SOS1: variants seen among roughly 807,000 people sequenced by gnomAD.
SOS1 encodes the protein son of sevenless homolog 1.
In SOS1, 25 loss-of-function variants were observed where a neutral mutation model predicts 157.6. The ratio of observed to expected loss-of-function variants is 0.16; its 90% CI spans 0.12 to 0.22. SOS1 has a LOEUF of 0.22. Ranked by LOEUF, SOS1 falls within the 10% of genes least tolerant of loss-of-function variation. SOS1 has a pLI of 1.00. For missense variants in SOS1, 1,237 were observed against 1,599.1 expected, an observed-to-expected ratio of 0.77 and a Z score of 3.86; for synonymous variants, 528 against 534.0, an observed-to-expected ratio of 0.99 and a Z score of 0.16.
chr2:39,112,908 G>A (rs964441312), intron 1 of SOS1, among the ~76,000 whole-genome samples: 1 of 152,000 alleles, frequency 6.6e-6, no homozygotes, highest in South Asian at 2.1e-4. Flanking sequence ...GTGTGATGGA[G>A]TGCGCCTGTA....
intron 1 of SOS1, among the ~76,000 whole-genome samples, chr2:39,090,869 T>TG (rs1672568367): frequency 6.6e-6 from 1 of 151,602 alleles, no homozygotes; most frequent in African/African-American, 2.4e-5. Flanking sequence ...TTGTTGTTGT[T>TG]TTGTTTGTTT....
chr2:39,086,615 C>T (rs998698779), intron 1 of SOS1, among the ~76,000 whole-genome samples: 12 of 152,114 alleles, frequency 7.9e-5, no homozygotes, highest in Admixed American at 2.6e-4. Context: ...TGCCCTTCCC[C>T]GACAATTCCA....
At chr2:39,010,542 T>C (rs182941759) in intron 15 of SOS1, 42 bp downstream of exon 15, 67 of 1,574,382 alleles carry the variant, frequency 4.3e-5, no homozygotes, top group Non-Finnish European at 5.2e-5. Context: ...ATTCATAACA[T>C]AGCTGACAGC....
intron 1 of SOS1, among the ~76,000 whole-genome samples, chr2:39,109,552 G>C (rs558379247): frequency 6.6e-6 from 1 of 152,114 alleles, no homozygotes; most frequent in South Asian, 2.1e-4. Flanking sequence ...AGGACAATTA[G>C]AGCACCATCG....
chr2:39,009,819 A>G (rs564254121), intron 15 of SOS1, among the ~76,000 whole-genome samples: 1 of 152,228 alleles, frequency 6.6e-6, no homozygotes, highest in Non-Finnish European at 1.5e-5. Flanking sequence ...ATAAGTCTGA[A>G]GCTGATTCTG....
intron 8 of SOS1, 137 bp from the exon 9 acceptor site, chr2:39,024,274 T>C: frequency 1.3e-6 from 1 of 754,270 alleles, no homozygotes; most frequent in East Asian, 2.7e-5. Context: ...ATATTCTTTT[T>C]AAAAGTGTTT....
Position 38,985,612 on chromosome 2 carries a change from C to G in SOS1, c.*212G>C. ...AGGTGCAATCAGTTGTCCAATTCCT[C>G]TAGGTCGGTCTTTCCATATTCTAAA... On this transcript the variant is annotated 3_prime_UTR_variant, in exon 23 of 23. Coordinates refer to ENST00000402219, the MANE Select transcript of SOS1 (RefSeq NM_005633.4). 1.8e-6 allele frequency: 1 copy of G among 571,018 alleles called. No individual in the cohort carries two copies. Among genetic ancestry groups the G allele is most frequent in the South Asian group, 2.0e-5 (1 of 50,628 alleles). 35.4% of individuals were successfully genotyped at this position (571,018 alleles called of 1,614,324 possible).
At chr2:39,017,818 A>G (rs1473981136) in intron 10 of SOS1, among the ~76,000 whole-genome samples, 2 of 151,978 alleles carry the variant, frequency 1.3e-5, no homozygotes, top group African/African-American at 4.8e-5. Flanking sequence ...AAAATTCCAG[A>G]CATTATTTTT....
chr2:39,061,268 AAAG>A (rs1671391654), intron 2 of SOS1, among the ~76,000 whole-genome samples: 1 of 150,792 alleles, frequency 6.6e-6, no homozygotes, highest in South Asian at 2.1e-4. Context: ...AAAAAAAAAA[AAAG>A]GTGTTTTGAA....
chr2:39,070,114 T>C (rs1671747696), intron 1 of SOS1, among the ~76,000 whole-genome samples: 1 of 152,156 alleles, frequency 6.6e-6, no homozygotes, highest in South Asian at 2.1e-4. Flanking sequence ...TGTGTAGGTA[T>C]CAAACCATAT....
rs1668535842 is a variant in SOS1, at chr2:38,985,732, C to T, written c.*92G>A. ...AAGAGTCGTTAGTGTTTGGAGTTCT[C>T]ATTTTAACTCCTCAGTGCTGGCACA... is the stretch of plus-strand genomic sequence containing the variant. On this transcript the variant is annotated 3_prime_UTR_variant, in exon 23 of 23. Transcript: ENST00000402219. 1.5e-6 allele frequency: 2 copies of T among 1,353,624 alleles called. No individual in the cohort carries two copies. Among genetic ancestry groups the T allele is most frequent in the African/African-American group, 1.4e-5 (1 of 69,324 alleles). The allele number at this position is 1,353,624 out of a possible 1,614,324, so 83.9% of individuals were successfully genotyped here.
intron 17 of SOS1, among the ~76,000 whole-genome samples, chr2:39,005,854 T>C (rs568806374): frequency 1.3e-5 from 2 of 151,866 alleles, no homozygotes; most frequent in Non-Finnish European, 2.9e-5. Context: ...AGATATTGAA[T>C]ACATGAAAAT....
intron 8 of SOS1, among the ~76,000 whole-genome samples, chr2:39,028,680 C>T (rs1387267927): frequency 6.6e-6 from 1 of 152,130 alleles, no homozygotes; most frequent in East Asian, 1.9e-4. Context: ...CTAAATAAAA[C>T]CTATTCCATA....
At chr2:39,077,997 A>G (rs895151866) in intron 1 of SOS1, among the ~76,000 whole-genome samples, 2 of 152,216 alleles carry the variant, frequency 1.3e-5, no homozygotes, top group African/African-American at 4.8e-5. Flanking sequence ...CAAAAAGTGG[A>G]AAGATAAGTC....
chr2:38,987,960 C>A (rs1042826633), intron 21 of SOS1, among the ~76,000 whole-genome samples: 2 of 152,270 alleles, frequency 1.3e-5, no homozygotes, highest in Admixed American at 6.5e-5. Flanking sequence ...ATAATGGGTT[C>A]ATTTTTTTCT....
At chr2:39,101,674 G>C (rs1672972001) in intron 1 of SOS1, among the ~76,000 whole-genome samples, 1 of 149,584 alleles carries the variant, frequency 6.7e-6, no homozygotes, top group South Asian at 2.1e-4. Context: ...AAACAAACTA[G>C]CAATGTCTCC....
chr2:39,028,108 A>C (rs1214811561), intron 8 of SOS1, among the ~76,000 whole-genome samples: 1 of 152,208 alleles, frequency 6.6e-6, no homozygotes, highest in Non-Finnish European at 1.5e-5. Context: ...GTGCCCAGCC[A>C]GGAATCATAT....
At chr2:39,031,267 G>C (rs569788112) in intron 8 of SOS1, among the ~76,000 whole-genome samples, 3 of 152,258 alleles carry the variant, frequency 2.0e-5, no homozygotes, top group African/African-American at 7.2e-5. Flanking sequence ...CAGCATACAA[G>C]AAAAAGAATA....
intron 1 of SOS1, among the ~76,000 whole-genome samples, chr2:39,104,389 C>A (rs762549540): frequency 1.3e-5 from 2 of 151,838 alleles, no homozygotes; most frequent in Non-Finnish European, 2.9e-5. Flanking sequence ...TGCTTAATAT[C>A]ATTACTGGTT....
Sources: gnomAD v4.1 joint callset for allele counts (sites outside exome capture counted in the v4.1 genomes callset) on GRCh38, gnomAD v4.1.1 for gene constraint, MANE v1.5 for transcripts, NCBI Gene and HGNC (gene_info 2026-07-23, HGNC 2026-07-21) for gene names.